MMP16: variants seen among roughly 807,000 people sequenced by gnomAD.
MMP16 encodes the protein matrix metalloproteinase-16.
A neutral mutation model predicts 67.8 loss-of-function variants in MMP16; 12 were observed. The observed-to-expected ratio is 0.18, with a 90% CI of 0.11 to 0.29. The LOEUF (loss-of-function observed/expected upper bound fraction) is 0.29, where lower values mean the gene tolerates loss of function less well. MMP16 is among the 10% of genes least tolerant of loss of function. The probability of loss-of-function intolerance (pLI) is 1.00; values close to 1 mark genes in which losing one functional copy is unlikely to be tolerated. For missense variants in MMP16, 475 were observed against 765.7 expected (o/e 0.62, Z 4.48); for synonymous variants, 249 against 255.9 (o/e 0.97, Z 0.26).
intron 6 of MMP16, among the ~76,000 whole-genome samples, chr8:88,089,875 T>A (rs1808905229): frequency 6.6e-6 from 1 of 151,644 alleles, no homozygotes; most frequent in South Asian, 2.1e-4. Context: ...TCAGATTAGG[T>A]TCCAAGCATT....
intron 6 of MMP16, among the ~76,000 whole-genome samples, chr8:88,090,084 G>C (rs1808908412): frequency 6.6e-6 from 1 of 151,916 alleles, no homozygotes. Context: ...ATTTAGTTGA[G>C]CAAATTAATT....
At chr8:88,089,839 C>A (rs1353773020) in intron 6 of MMP16, among the ~76,000 whole-genome samples, 1 of 151,690 alleles carries the variant, frequency 6.6e-6, no homozygotes. Flanking sequence ...GTGAACAAAA[C>A]CATACTGCAG....
chr8:88,242,137 C>A (rs1197199380), intron 1 of MMP16, among the ~76,000 whole-genome samples: 1 of 152,078 alleles, frequency 6.6e-6, no homozygotes, highest in African/African-American at 2.4e-5. Flanking sequence ...AGATATACAA[C>A]CAGCTCATCT....
intron 7 of MMP16, among the ~76,000 whole-genome samples, chr8:88,063,516 C>T (rs1808427386): frequency 6.9e-6 from 1 of 145,718 alleles, no homozygotes; most frequent in Non-Finnish European, 1.5e-5. Context: ...ACAATGCTTA[C>T]TCTGGAGGTT....
At chr8:88,222,988 C>A (rs996938211) in intron 1 of MMP16, among the ~76,000 whole-genome samples, 2 of 151,900 alleles carry the variant, frequency 1.3e-5, no homozygotes, top group Admixed American at 1.3e-4. Context: ...AGAACTTAAA[C>A]AAATTTACAA....
intron 1 of MMP16, among the ~76,000 whole-genome samples, chr8:88,237,686 A>AAG (rs1809967066): frequency 6.6e-6 from 1 of 150,672 alleles, no homozygotes; most frequent in South Asian, 2.2e-4. Context: ...AACAACAAAA[A>AAG]ACAACTGCAT....
intron 6 of MMP16, among the ~76,000 whole-genome samples, chr8:88,113,306 G>T (rs182123406): frequency 1.3e-5 from 2 of 151,740 alleles, no homozygotes; most frequent in African/African-American, 4.8e-5. Context: ...GCTAAGGAGG[G>T]AATATTTGGA....
intron 1 of MMP16, among the ~76,000 whole-genome samples, chr8:88,295,561 A>G (rs1482763989): frequency 6.6e-6 from 1 of 152,224 alleles, no homozygotes; most frequent in Non-Finnish European, 1.5e-5. Flanking sequence ...TTATACTCAA[A>G]AAAGCAATTT....
In MMP16 at chr8:88,294,745, C is replaced by T. The variant is rs138575412; in HGVS notation, c.132+32330G>A. 3.4e-3 allele frequency among the ~76,000 whole-genome samples: 513 copies of T among 152,158 alleles called. 4 individuals carry two copies. Among genetic ancestry groups the T allele is most frequent in the African/African-American group, 0.011 (468 of 41,512 alleles). On this transcript the variant is annotated intron_variant, in intron 1 of 9. Coordinates refer to ENST00000286614, the MANE Select transcript of MMP16 (RefSeq NM_005941.5). ...TTTTTCATTTTTTGAGGTGGAGTCTCGCTCTGTCGCCCAGGCTGGAGCGCA... is the reference window on the plus strand; with the variant it reads ...TTTTTCATTTTTTGAGGTGGAGTCTTGCTCTGTCGCCCAGGCTGGAGCGCA...
chr8:88,112,044 C>G (rs2118414137), intron 6 of MMP16, among the ~76,000 whole-genome samples: 1 of 151,876 alleles, frequency 6.6e-6, no homozygotes, highest in South Asian at 2.1e-4. Context: ...TCTAGATTAA[C>G]TGGAAAGACA....
At chr8:88,089,934 T>A (rs1318771553) in intron 6 of MMP16, among the ~76,000 whole-genome samples, 1 of 151,954 alleles carries the variant, frequency 6.6e-6, no homozygotes, top group Admixed American at 6.6e-5. Context: ...TGTGGAAAAA[T>A]TCCTTTTTGC....
intron 1 of MMP16, among the ~76,000 whole-genome samples, chr8:88,260,854 C>T (rs990629868): frequency 1.3e-5 from 2 of 152,148 alleles, no homozygotes; most frequent in South Asian, 4.1e-4. Flanking sequence ...GACCACCAGA[C>T]TTCAATCTAT....
chr8:88,078,319 C>T (rs1033624022), intron 6 of MMP16, among the ~76,000 whole-genome samples: 3 of 152,150 alleles, frequency 2.0e-5, no homozygotes, highest in African/African-American at 4.8e-5. Context: ...GATTTATTTT[C>T]CATGTAGCAT....
intron 4 of MMP16, among the ~76,000 whole-genome samples, chr8:88,153,339 T>C (rs1808443472): frequency 6.6e-6 from 1 of 152,144 alleles, no homozygotes; most frequent in African/African-American, 2.4e-5. Context: ...TACCAATGAC[T>C]TTCTTCACAG....
At chr8:88,275,820 T>C (rs564700513) in intron 1 of MMP16, among the ~76,000 whole-genome samples, 30 of 152,064 alleles carry the variant, frequency 2.0e-4, no homozygotes, top group African/African-American at 7.0e-4. Context: ...AATAATACCA[T>C]TGTGAACACT....
At chr8:88,149,068 A>T (rs1808347917) in intron 4 of MMP16, among the ~76,000 whole-genome samples, 1 of 152,210 alleles carries the variant, frequency 6.6e-6, no homozygotes, top group African/African-American at 2.4e-5. Context: ...GGGGTCAGGG[A>T]GTTCCCTTTC....
At chr8:88,235,976 TC>T (rs964722901) in intron 1 of MMP16, among the ~76,000 whole-genome samples, 1 of 152,116 alleles carries the variant, frequency 6.6e-6, no homozygotes, top group African/African-American at 2.4e-5. Context: ...AGAACATAAC[TC>T]CCAGCACACA....
intron 2 of MMP16, among the ~76,000 whole-genome samples, chr8:88,190,422 T>C (rs999161018): frequency 7.2e-5 from 11 of 152,218 alleles, no homozygotes; most frequent in African/African-American, 1.7e-4. Flanking sequence ...TTCTTTCTTA[T>C]GGAAATTTTA....
At chr8:88,171,936 C>T (rs1348317213) in intron 3 of MMP16, among the ~76,000 whole-genome samples, 3 of 151,684 alleles carry the variant, frequency 2.0e-5, no homozygotes, top group Non-Finnish European at 4.4e-5. Context: ...CAGCAATTAT[C>T]CTGCCTCAGC....
Sources: gnomAD v4.1 joint callset for allele counts (sites outside exome capture counted in the v4.1 genomes callset) on GRCh38, gnomAD v4.1.1 for gene constraint, MANE v1.5 for transcripts, NCBI Gene and HGNC (gene_info 2026-07-23, HGNC 2026-07-21) for gene names.